ROBO2: variants seen among roughly 807,000 people sequenced by gnomAD.
ROBO2 encodes roundabout guidance receptor 2.
ROBO2 carries 53 observed loss-of-function variants against 160.8 expected under a neutral mutation model. The ratio of observed to expected loss-of-function variants is 0.33; its 90% CI spans 0.26 to 0.41. The LOEUF (loss-of-function observed/expected upper bound fraction) is 0.41. ROBO2 is among the 10% of genes least tolerant of loss of function. The probability of loss-of-function intolerance (pLI) is 1.00; values close to 1 mark genes in which losing one functional copy is unlikely to be tolerated. For synonymous variants in ROBO2, 664 were observed against 611.7 expected (o/e 1.09, Z -1.26); for missense variants, 1,577 against 1,722.4 (o/e 0.92, Z 1.49).
intron 2 of ROBO2, among the ~76,000 whole-genome samples, chr3:76,813,260 C>A (rs931132396): frequency 6.6e-6 from 1 of 152,030 alleles, no homozygotes; most frequent in Admixed American, 6.6e-5. Flanking sequence ...CTTTAACCTT[C>A]ATTGATCTTT....
At chr3:76,851,306 A>G (rs1393375307) in intron 2 of ROBO2, among the ~76,000 whole-genome samples, 1 of 152,218 alleles carries the variant, frequency 6.6e-6, no homozygotes, top group Non-Finnish European at 1.5e-5. Context: ...TCTGGTGGCT[A>G]CTGTATTGGA....
chr3:77,142,967 G>A (rs1322113772), intron 2 of ROBO2, among the ~76,000 whole-genome samples: 5 of 151,734 alleles, frequency 3.3e-5, no homozygotes, highest in East Asian at 1.9e-4. Context: ...CTCTGTCAAC[G>A]GAAAACAAAA....
At chr3:76,951,371 A>G (rs1445480664) in intron 2 of ROBO2, among the ~76,000 whole-genome samples, 1 of 152,216 alleles carries the variant, frequency 6.6e-6, no homozygotes, top group Admixed American at 6.5e-5. Flanking sequence ...AAGTTGTGCT[A>G]ACCTCACTCA....
intron 2 of ROBO2, among the ~76,000 whole-genome samples, chr3:76,145,264 T>C (rs1294903809): frequency 6.6e-6 from 1 of 152,010 alleles, no homozygotes; most frequent in Non-Finnish European, 1.5e-5. Context: ...CTCTGATAAA[T>C]CTTCATAAAA....
intron 2 of ROBO2, among the ~76,000 whole-genome samples, chr3:76,337,969 A>G (rs1410910511): frequency 6.6e-6 from 1 of 152,134 alleles, no homozygotes; most frequent in East Asian, 1.9e-4. Flanking sequence ...TAATATTAGC[A>G]GAAGACTGAA....
chr3:76,574,908 T>C (rs2085192511), intron 2 of ROBO2, among the ~76,000 whole-genome samples: 1 of 152,148 alleles, frequency 6.6e-6, no homozygotes. Flanking sequence ...ATTTAAAAAC[T>C]GTCCTTCCTC....
At chr3:77,119,352 T>C (rs1303253183) in intron 2 of ROBO2, among the ~76,000 whole-genome samples, 1 of 152,186 alleles carries the variant, frequency 6.6e-6, no homozygotes, top group Non-Finnish European at 1.5e-5. Flanking sequence ...AAAATTACAA[T>C]AAAAATACAG....
chr3:76,790,932 A>G (rs699456), intron 2 of ROBO2, among the ~76,000 whole-genome samples: 126,942 of 151,586 alleles, frequency 0.84, 53,266 homozygotes, highest in Admixed American at 0.86. Context: ...TTCTTTAGTT[A>G]AATGGGAATG....
intron 23 of ROBO2, among the ~76,000 whole-genome samples, chr3:77,623,013 T>C (rs545165924): frequency 2.0e-5 from 3 of 152,332 alleles, no homozygotes; most frequent in African/African-American, 7.2e-5. Context: ...GTTTATTTCT[T>C]TGGCTTCCTC....
intron 2 of ROBO2, among the ~76,000 whole-genome samples, chr3:76,536,851 T>G (rs2082534894): frequency 6.6e-6 from 1 of 152,156 alleles, no homozygotes; most frequent in Non-Finnish European, 1.5e-5. Context: ...GCCCAGATGC[T>G]GACTGATTTG....
At chr3:76,640,907 C>T (rs751104760) in intron 2 of ROBO2, among the ~76,000 whole-genome samples, 11 of 152,268 alleles carry the variant, frequency 7.2e-5, no homozygotes, top group Non-Finnish European at 1.5e-4. Flanking sequence ...AAGCCAAGAT[C>T]ATTTGAGCGG....
At chr3:76,925,226 A>AG (rs763249721) in intron 2 of ROBO2, among the ~76,000 whole-genome samples, 2 of 150,222 alleles carry the variant, frequency 1.3e-5, no homozygotes, top group African/African-American at 5.0e-5. Context: ...AAAAAAAAAA[A>AG]AAAAATCTGG....
intron 2 of ROBO2, among the ~76,000 whole-genome samples, chr3:77,272,387 A>G (rs930377615): frequency 2.0e-5 from 3 of 152,118 alleles, no homozygotes; most frequent in Non-Finnish European, 4.4e-5. Flanking sequence ...GACATGTCTT[A>G]CATGGCAGGA....
chr3:76,812,909 ATTTTTTTTTTTTT>A (rs71104626), intron 2 of ROBO2, among the ~76,000 whole-genome samples: 2 of 104,656 alleles, frequency 1.9e-5, no homozygotes, highest in Non-Finnish European at 3.7e-5. Flanking sequence ...AGAAGTATAA[ATTTTTTTTTTTTT>A]TTTTTTTTTT....
chr3:76,312,658 G>C (rs181684613), intron 2 of ROBO2, among the ~76,000 whole-genome samples: 4 of 152,288 alleles, frequency 2.6e-5, no homozygotes. Context: ...ATTTATGTTA[G>C]CCTGCATGCT....
chr3:77,602,972 A>T, intron 20 of ROBO2: 1 of 456,740 alleles, frequency 2.2e-6, no homozygotes, highest in Non-Finnish European at 4.4e-6. Flanking sequence ...TGGCTGAGGG[A>T]TTGTCTAATA....
chr3:75,952,707 T>C (rs769296180), intron 2 of ROBO2, among the ~76,000 whole-genome samples: 2 of 152,008 alleles, frequency 1.3e-5, no homozygotes, highest in Non-Finnish European at 2.9e-5. Context: ...TTTTGTCAAA[T>C]GTGTAATGAC....
chr3:76,671,652 G>A (rs2092266267), intron 2 of ROBO2, among the ~76,000 whole-genome samples: 1 of 151,950 alleles, frequency 6.6e-6, no homozygotes, highest in South Asian at 2.1e-4. Context: ...AATGCTAACA[G>A]TCATACAAGA....
rs537802987 is a variant in ROBO2 at position 76,666,877 on chromosome 3, C to A, written c.110-431137C>A. Among the ~76,000 whole-genome samples the A allele has an allele frequency of 1.4e-3, 208 of 151,484 alleles. 1 individual carries two copies. The highest frequency in any genetic ancestry group is 4.9e-3 in the African/African-American group (199 of 40,926). Reference sequence around the variant, plus strand: ...TAATAATGATTTAGAAAACAGTTATCCTCAGCAGTGACAGCATTTCATCAA... The same window carrying A: ...TAATAATGATTTAGAAAACAGTTATACTCAGCAGTGACAGCATTTCATCAA... On this transcript the variant is annotated intron_variant, in intron 2 of 26. Coordinates refer to the ROBO2 transcript ENST00000487694.
Sources: gnomAD v4.1 joint callset for allele counts (sites outside exome capture counted in the v4.1 genomes callset) on GRCh38, gnomAD v4.1.1 for gene constraint, MANE v1.5 for transcripts, NCBI Gene and HGNC (gene_info 2026-07-23, HGNC 2026-07-21) for gene names.